PAK1: variants seen among roughly 807,000 people sequenced by gnomAD.
The protein encoded by PAK1 is serine/threonine-protein kinase PAK 1.
PAK1 carries 29 observed loss-of-function variants against 67.4 expected under a neutral mutation model. That is an observed-to-expected ratio of 0.43 (90% CI 0.32 to 0.59). The LOEUF is 0.59. PAK1 is among the 20% of genes least tolerant of loss of function. PAK1 has a pLI of 0.07. For synonymous variants in PAK1, 223 were observed against 237.4 expected (o/e 0.94, Z 0.56); for missense variants, 337 against 670.7 (o/e 0.50, Z 5.50).
At chr11:77,489,542 C>T in the PAK1 span, among the ~76,000 whole-genome samples, 1 of 152,204 alleles carries the variant, frequency 6.6e-6, no homozygotes, top group Non-Finnish European at 1.5e-5. Context: ...TCACTGCAAC[C>T]TCCCTGCCTG....
intron 1 of PAK1, among the ~76,000 whole-genome samples, chr11:77,400,655 G>C (rs771030518): frequency 1.3e-5 from 2 of 152,190 alleles, no homozygotes; most frequent in South Asian, 2.1e-4. Context: ...TAAAATTCTA[G>C]AAACAGTTTC....
chr11:77,473,500 A>C (rs1184723408), intron 1 of PAK1, 52 bp downstream of exon 1: 1 of 152,256 alleles, frequency 6.6e-6, no homozygotes, highest in Non-Finnish European at 1.5e-5. Context: ...CCCGCGCCCC[A>C]GCCCTGGCAG....
At chr11:77,444,131 A>G (rs1956485605) in intron 1 of PAK1, among the ~76,000 whole-genome samples, 1 of 152,130 alleles carries the variant, frequency 6.6e-6, no homozygotes, top group Non-Finnish European at 1.5e-5. Flanking sequence ...CTCAGACATA[A>G]TATACCTAGA....
chr11:77,328,888 A>T lies in PAK1; in HGVS notation c.1551+3842T>A, dbSNP rs532321612. Among the ~76,000 whole-genome samples the T allele has an allele frequency of 5.9e-5, 9 of 152,292 alleles. No homozygotes were observed. The South Asian group carries it at 1.7e-3, about 28-fold the overall frequency. On this transcript the variant is annotated intron_variant, in intron 14 of 14. Transcript: ENST00000356341. ...TCAACAAAATTGATAGACCGCTAGC[A>T]AGACTAATAAAGAAGAAAAGAGAGA...
intron 1 of PAK1, among the ~76,000 whole-genome samples, chr11:77,446,479 T>A (rs947025650): frequency 1.6e-5 from 2 of 121,258 alleles, no homozygotes; most frequent in African/African-American, 6.7e-5. Context: ...GCCACTACAC[T>A]CCAGCCTGAG....
At chr11:77,441,562 C>A (rs1956356796) in intron 1 of PAK1, among the ~76,000 whole-genome samples, 1 of 152,356 alleles carries the variant, frequency 6.6e-6, no homozygotes, top group Admixed American at 6.5e-5. Context: ...ACCTCCCAAC[C>A]TTACCCAGGT....
At chr11:77,476,690 A>C (rs2135623319), upstream of PAK1, 1 of 152,288 alleles carries the variant, frequency 6.6e-6, no homozygotes, top group African/African-American at 2.4e-5. Context: ...TGAAATAATA[A>C]ATGTGTATTG....
chr11:77,465,987 A>G (rs1276893353), intron 1 of PAK1, among the ~76,000 whole-genome samples: 1 of 152,144 alleles, frequency 6.6e-6, no homozygotes, highest in African/African-American at 2.4e-5. Context: ...GTAATTCTCT[A>G]ACAGGTAATT....
At chr11:77,389,955 G>A (rs536417863) in intron 2 of PAK1, among the ~76,000 whole-genome samples, 1 of 152,286 alleles carries the variant, frequency 6.6e-6, no homozygotes, top group South Asian at 2.1e-4. Flanking sequence ...TTCACTACAT[G>A]TAGACACTTG....
chr11:77,388,503 G>A (rs1053428182), intron 2 of PAK1, among the ~76,000 whole-genome samples: 4 of 152,124 alleles, frequency 2.6e-5, no homozygotes, highest in South Asian at 2.1e-4. Flanking sequence ...ACAGGCACCC[G>A]CCACCACGCC....
intron 1 of PAK1, among the ~76,000 whole-genome samples, chr11:77,394,270 T>C (rs1187480057): frequency 6.6e-6 from 1 of 152,164 alleles, no homozygotes; most frequent in African/African-American, 2.4e-5. Flanking sequence ...CAAGAGCTTT[T>C]AGAAATATAG....
At chr11:77,475,584 C>T (rs1347757070), upstream of PAK1, 1 of 152,166 alleles carries the variant, frequency 6.6e-6, no homozygotes, top group Non-Finnish European at 1.5e-5. Flanking sequence ...TTTGAATACA[C>T]ATTTCTTCAT....
At chr11:77,334,302 G>T (rs958011168) in intron 13 of PAK1, among the ~76,000 whole-genome samples, 1 of 152,188 alleles carries the variant, frequency 6.6e-6, no homozygotes, top group African/African-American at 2.4e-5. Flanking sequence ...GGAGGGAAGA[G>T]TATGTTGTAT....
chr11:77,394,671 C>A (rs1300260459), intron 1 of PAK1, among the ~76,000 whole-genome samples: 1 of 152,056 alleles, frequency 6.6e-6, no homozygotes, highest in Non-Finnish European at 1.5e-5. Flanking sequence ...ATGGTGAAAC[C>A]CCATCTCTAC....
the PAK1 span, among the ~76,000 whole-genome samples, chr11:77,494,356 A>C: frequency 6.6e-6 from 1 of 152,244 alleles, no homozygotes; most frequent in Non-Finnish European, 1.5e-5. Flanking sequence ...TGCTAAATGT[A>C]AAACAAAAAC....
intron 5 of PAK1, among the ~76,000 whole-genome samples, chr11:77,368,806 A>C (rs1947975348): frequency 6.6e-6 from 1 of 152,128 alleles, no homozygotes; most frequent in South Asian, 2.1e-4. Flanking sequence ...ACAGGCACAC[A>C]ACACCAAGCC....
chr11:77,329,012 G>A (rs1370969425), intron 14 of PAK1: 1 of 152,194 alleles, frequency 6.6e-6, no homozygotes, highest in Admixed American at 6.5e-5. Context: ...ACACCTCTAT[G>A]CAAATCAACT....
chr11:77,516,300 C>A, the PAK1 span, among the ~76,000 whole-genome samples: 1 of 152,116 alleles, frequency 6.6e-6, no homozygotes. Context: ...TATACAATGT[C>A]GTGACTAAAA....
At chr11:77,500,359 C>T in the PAK1 span, among the ~76,000 whole-genome samples, 2 of 152,092 alleles carry the variant, frequency 1.3e-5, no homozygotes, top group Non-Finnish European at 2.9e-5. Context: ...CCCAGCTACT[C>T]AGGAGGCTGA....
Sources: allele counts gnomAD v4.1 joint callset (sites outside exome capture counted in the v4.1 genomes callset), GRCh38; gene constraint gnomAD v4.1.1; transcripts MANE v1.5; gene names NCBI Gene and HGNC (gene_info 2026-07-23, HGNC 2026-07-21).